Variants in PAH observed in about 807,000 individuals in gnomAD.
The protein encoded by PAH is phenylalanine-4-hydroxylase.
PAH carries 64 observed loss-of-function variants against 62.0 expected under a neutral mutation model. That is an observed-to-expected ratio of 1.03 (90% confidence interval 0.84 to 1.27). PAH has a LOEUF of 1.27. Among genes scored for constraint, PAH ranks in the 50% most tolerant of loss-of-function variants. The probability of loss-of-function intolerance (pLI) is 0.00; values close to 1 mark genes in which losing one functional copy is unlikely to be tolerated. For missense variants in PAH, 579 were observed against 542.8 expected (o/e 1.07, Z -0.66); for synonymous variants, 195 against 196.2 (o/e 0.99, Z 0.05).
chr12:102,842,998 C>T (rs1874657542), intron 11 of PAH, among the ~76,000 whole-genome samples: 1 of 152,156 alleles, frequency 6.6e-6, no homozygotes, highest in African/African-American at 2.4e-5. Flanking sequence ...GGCCAACAGT[C>T]TCAGAGTCCC....
chr12:102,867,765 G>T, intron 4 of PAH, among the ~76,000 whole-genome samples: 1 of 148,968 alleles, frequency 6.7e-6, no homozygotes, highest in South Asian at 2.1e-4. Flanking sequence ...TTTTTGTTTT[G>T]GTTGCTTGAT....
At chr12:102,863,194 A>T (rs1875807951) in intron 5 of PAH, among the ~76,000 whole-genome samples, 1 of 152,182 alleles carries the variant, frequency 6.6e-6, no homozygotes. Flanking sequence ...ACTATGTATA[A>T]AGTACCTAGT....
Position 102,839,097 on chromosome 12 carries a change from G to A in PAH, c.*78C>T, listed in dbSNP as rs988567715. The stretch of plus-strand genomic sequence containing the variant: ...TATTTCAAATTAAGGTTTGCTTTTC[G>A]GACTTTTTCTGATGAAAGAAATAGT... On this transcript the variant is annotated 3_prime_UTR_variant, in exon 13 of 13. Transcript: ENST00000553106. 4.7e-5 allele frequency: 65 copies of A among 1,377,570 alleles called. No individual in the cohort carries two copies. Among genetic ancestry groups the A allele is most frequent in the African/African-American group, 3.6e-4 (25 of 70,294 alleles). The allele number at this position is 1,377,570 out of a possible 1,614,324, so 85.3% of individuals were successfully genotyped here.
intron 3 of PAH, among the ~76,000 whole-genome samples, chr12:102,882,593 C>T (rs1047981094): frequency 1.4e-5 from 2 of 147,784 alleles, no homozygotes; most frequent in African/African-American, 2.5e-5. Context: ...TACACATACA[C>T]GTATACACAC....
chr12:102,958,356 G>A, exon 1 of PAH: 3 of 1,427,814 alleles, frequency 2.1e-6, no homozygotes, highest in South Asian at 2.9e-5. Flanking sequence ...GGCCGCAGCC[G>A]CGGCGGCCGC....
intron 2 of PAH, among the ~76,000 whole-genome samples, chr12:102,899,578 G>C (rs1007165243): frequency 1.3e-5 from 2 of 152,048 alleles, no homozygotes; most frequent in Non-Finnish European, 2.9e-5. Context: ...AGTGAGTAAC[G>C]GCCGGGCGCG....
chr12:102,893,198 G>A (rs1267898225), intron 3 of PAH, among the ~76,000 whole-genome samples: 2 of 152,094 alleles, frequency 1.3e-5, no homozygotes, highest in African/African-American at 2.4e-5. Context: ...TCGAGAGTTT[G>A]AGACCAGCTT....
At chr12:102,912,704 C>T in intron 2 of PAH, 87 bp downstream of exon 2, 1 of 951,746 alleles carries the variant, frequency 1.1e-6, no homozygotes, top group Non-Finnish European at 1.7e-6. Context: ...GTTCCAGATC[C>T]TGTGTTCTTT....
intron 3 of PAH, among the ~76,000 whole-genome samples, chr12:102,888,225 T>C (rs1010139449): frequency 6.6e-6 from 1 of 152,110 alleles, no homozygotes; most frequent in African/African-American, 2.4e-5. Context: ...ATTTCTTCAT[T>C]TGCAGATGAG....
intron 3 of PAH, among the ~76,000 whole-genome samples, chr12:102,893,371 G>A (rs1335666207): frequency 6.6e-6 from 1 of 152,060 alleles, no homozygotes; most frequent in African/African-American, 2.4e-5. Flanking sequence ...TTGCACTCCA[G>A]CCTGGGCAAC....
At chr12:102,888,862 T>C (rs1227657556) in intron 3 of PAH, among the ~76,000 whole-genome samples, 1 of 152,040 alleles carries the variant, frequency 6.6e-6, no homozygotes, top group Non-Finnish European at 1.5e-5. Flanking sequence ...ATGCAGATAC[T>C]TGGTCTCCTG....
chr12:102,877,572 G>A lies in PAH; in HGVS notation c.353-22C>T, dbSNP rs2037639. On this transcript the variant is annotated intron_variant, in intron 3 of 12. Coordinates refer to ENST00000553106, the MANE Select transcript of PAH (RefSeq NM_000277.3). ...GGCACTGAAACACAGAGAAGGCAAC[G>A]TCCTGAGTACAGATTGGCAGAACAT... The A allele has an allele frequency of 0.24, 385,771 of 1,577,894 alleles. 53,189 individuals carry two copies. The highest frequency in any genetic ancestry group is 0.68 in the East Asian group (30,462 of 44,690).
chr12:102,953,425 G>A (rs1011865557), upstream of PAH: 2 of 152,152 alleles, frequency 1.3e-5, no homozygotes, highest in Admixed American at 1.3e-4. Context: ...TTTTTACAGA[G>A]AGACAACACA....
At chr12:102,894,673 T>C (rs1033684430) in intron 3 of PAH, 62 bp downstream of exon 3, 1 of 1,207,388 alleles carries the variant, frequency 8.3e-7, no homozygotes, top group Non-Finnish European at 1.2e-6. Flanking sequence ...ATATGTATAT[T>C]GCTGTTATTT....
At chr12:102,844,253 G>T (rs763445220) in intron 10 of PAH, 83 bp downstream of exon 10, 5 of 955,734 alleles carry the variant, frequency 5.2e-6, no homozygotes, top group South Asian at 1.3e-5. Flanking sequence ...TACAAATAGG[G>T]TTTCAACAAT....
At chr12:102,939,001 G>T (rs1369881502) in intron 1 of PAH, among the ~76,000 whole-genome samples, 1 of 151,820 alleles carries the variant, frequency 6.6e-6, no homozygotes, top group African/African-American at 2.4e-5. Flanking sequence ...CTGCTCTTGG[G>T]TTGGGGAACG....
intron 1 of PAH, among the ~76,000 whole-genome samples, chr12:102,916,824 A>G (rs1565874828): frequency 6.6e-6 from 1 of 152,204 alleles, no homozygotes; most frequent in Non-Finnish European, 1.5e-5. Context: ...TCTGGAGGCC[A>G]GATCCCCAAC....
intron 5 of PAH, among the ~76,000 whole-genome samples, chr12:102,863,571 A>C (rs962976522): frequency 1.3e-5 from 2 of 152,194 alleles, no homozygotes; most frequent in African/African-American, 4.8e-5. Context: ...TCAATGCCAG[A>C]ACTGTGGTTG....
chr12:102,851,612 C>A, intron 8 of PAH, 75 bp downstream of exon 8: 1 of 1,242,806 alleles, frequency 8.0e-7, no homozygotes. Context: ...ATGAGGACCC[C>A]TCCCTGGGCT....
Sources: gnomAD v4.1 joint callset for allele counts (sites outside exome capture counted in the v4.1 genomes callset) on GRCh38, gnomAD v4.1.1 for gene constraint, MANE v1.5 for transcripts, NCBI Gene and HGNC (gene_info 2026-07-23, HGNC 2026-07-21) for gene names.